MYO1B: variants seen among roughly 807,000 people sequenced by gnomAD.
MYO1B encodes myosin IB.
MYO1B carries 72 observed loss-of-function variants against 159.7 expected under a neutral mutation model. That is an observed-to-expected ratio of 0.45 (90% CI 0.37 to 0.55). The LOEUF (loss-of-function observed/expected upper bound fraction) is 0.55, where lower values mean the gene tolerates loss of function less well. Among genes scored for constraint, MYO1B ranks in the 20% least tolerant of loss-of-function variants. The pLI, the probability that MYO1B is intolerant of heterozygous loss-of-function variation, is 0.00. For missense variants in MYO1B, 1,062 were observed against 1,364.8 expected (o/e 0.78, Z 3.50); for synonymous variants, 468 against 473.8 (o/e 0.99, Z 0.16).
Position 191,370,298 on chromosome 2 carries a change from A to G in MYO1B, c.1185+6A>G, listed in dbSNP as rs765285357. The G allele has an allele frequency of 1.4e-5, 22 of 1,609,962 alleles. No individual in the cohort carries two copies. Among genetic ancestry groups the G allele is most frequent in the Non-Finnish European group, 1.9e-5 (22 of 1,176,798 alleles). The stretch of plus-strand genomic sequence containing the variant: ...ATGGCTTTGAGATTTTCGAGGTAAG[A>G]TTTAAAATTTTTTTTGTATTGTCTT... On this transcript the variant is annotated splice_donor_region_variant and intron_variant, in intron 13 of 30. Transcript: ENST00000392318.
At chr2:191,408,394 T>C (rs1293759503) in intron 25 of MYO1B, among the ~76,000 whole-genome samples, 1 of 152,234 alleles carries the variant, frequency 6.6e-6, no homozygotes, top group Non-Finnish European at 1.5e-5. Context: ...GAAAGAGTTG[T>C]TAATGGCCCG....
chr2:191,305,932 G>A (rs1485268594), intron 3 of MYO1B, among the ~76,000 whole-genome samples: 2 of 152,144 alleles, frequency 1.3e-5, no homozygotes, highest in Admixed American at 1.3e-4. Context: ...AGGGAACAGT[G>A]TTGACTCAGT....
chr2:191,322,195 G>A (rs949728045), intron 3 of MYO1B, among the ~76,000 whole-genome samples: 9 of 152,138 alleles, frequency 5.9e-5, no homozygotes, highest in Non-Finnish European at 1.3e-4. Context: ...GCATTTCTAG[G>A]TACTGTTTTC....
chr2:191,292,662 C>T (rs1688753726), intron 2 of MYO1B, among the ~76,000 whole-genome samples: 1 of 149,912 alleles, frequency 6.7e-6, no homozygotes, highest in Non-Finnish European at 1.5e-5. Flanking sequence ...GTTCGACCCC[C>T]ACTTCCCATC....
In MYO1B at chr2:191,363,834, G is replaced by A. The variant is rs1205234099; in HGVS notation, c.872G>A (p.Arg291Gln). ...LGNIEFKPES[R>Q]VNGLDESKIK... ...AACATTGAGTTCAAGCCCGAATCTC[G>A]AGTGAATGGTCTAGATGAAAGCAAA... Residue 291 changes from arginine to glutamine, a missense_variant, in exon 10 of 31, where the codon CGA becomes CAA. Arg to Gln is a conservative substitution (Grantham distance 43). This residue lies in a region of MYO1B where 415 missense variants were observed against 544.0 expected (regional missense o/e 0.76). Transcript: ENST00000392318. 11 of 1,613,904 alleles carry A rather than the reference G, an allele frequency of 6.8e-6. No homozygotes were observed. Among genetic ancestry groups the A allele is most frequent in the African/African-American group, 2.7e-5 (2 of 74,968 alleles).
At chr2:191,320,349 T>G (rs1472631471) in intron 3 of MYO1B, among the ~76,000 whole-genome samples, 3 of 152,182 alleles carry the variant, frequency 2.0e-5, no homozygotes, top group African/African-American at 7.2e-5. Context: ...CTGAATTATC[T>G]TAAAATTATT....
At chr2:191,247,836 G>T (rs751313572) in intron 1 of MYO1B, 9 of 748,620 alleles carry the variant, frequency 1.2e-5, no homozygotes, top group Non-Finnish European at 1.5e-5. Context: ...GCCTCTGGCC[G>T]TTCTGGTGGA....
intron 7 of MYO1B, among the ~76,000 whole-genome samples, chr2:191,356,473 G>A (rs1184599965): frequency 6.6e-6 from 1 of 151,470 alleles, no homozygotes; most frequent in Admixed American, 6.6e-5. Flanking sequence ...CTGTGACTTC[G>A]TAATGGGTGG....
chr2:191,415,915 A>C (rs1293993183), intron 29 of MYO1B, among the ~76,000 whole-genome samples, 200 bp from the exon 30 acceptor site: 1 of 152,192 alleles, frequency 6.6e-6, no homozygotes, highest in African/African-American at 2.4e-5. Context: ...CTTTAGGTAG[A>C]AGGGGATTAG....
intron 30 of MYO1B, among the ~76,000 whole-genome samples, chr2:191,418,739 TG>T (rs1697740952): frequency 6.6e-6 from 1 of 152,162 alleles, no homozygotes; most frequent in South Asian, 2.1e-4. Context: ...TCCGCCCCCC[TG>T]GGCCTCTGAA....
At chr2:191,391,622 GC>G (rs1322791737) in intron 18 of MYO1B, among the ~76,000 whole-genome samples, 3 of 152,164 alleles carry the variant, frequency 2.0e-5, no homozygotes, top group Non-Finnish European at 4.4e-5. Flanking sequence ...AGAGGTCAGG[GC>G]CAAGTCCAGT....
intron 2 of MYO1B, among the ~76,000 whole-genome samples, chr2:191,283,171 T>A (rs1226147481): frequency 1.3e-5 from 2 of 152,204 alleles, no homozygotes; most frequent in Non-Finnish European, 2.9e-5. Flanking sequence ...ATTGGAAAAT[T>A]TCTTCCTCTT....
At chr2:191,273,914 C>A (rs1175879630) in intron 1 of MYO1B, among the ~76,000 whole-genome samples, 2 of 152,128 alleles carry the variant, frequency 1.3e-5, no homozygotes, top group Non-Finnish European at 1.5e-5. Flanking sequence ...GAGAAAAAAA[C>A]AAATGGATCC....
At chr2:191,380,036 C>G (rs1694949204) in intron 13 of MYO1B, among the ~76,000 whole-genome samples, 1 of 152,128 alleles carries the variant, frequency 6.6e-6, no homozygotes, top group African/African-American at 2.4e-5. Flanking sequence ...ATAAAACAAA[C>G]AAACTTTTAT....
In MYO1B at chr2:191,400,771, T is replaced by C; in HGVS notation, c.2405T>C (p.Leu802Pro). 1 of 1,614,022 alleles carries C rather than the reference T, an allele frequency of 6.2e-7. No homozygotes were observed. Among genetic ancestry groups the C allele is most frequent in the Non-Finnish European group, 8.5e-7 (1 of 1,179,898 alleles). ...GTQARRELRR[L>P]KEEARNKHAI... ...CAGGCACGAAGGGAACTGAGACGGC[T>C]GAAGGAGGAGGCTAGGAATAAACAT... The change falls in exon 23 of 31, where the codon CTG becomes CCG. Residue 802 changes from leucine (L) to proline (P), a missense_variant. This residue lies in a region of MYO1B where 609 missense variants were observed against 744.4 expected (regional missense o/e 0.82). Coordinates refer to ENST00000392318, the MANE Select transcript of MYO1B (RefSeq NM_001130158.3).
At chr2:191,386,150 A>G in intron 16 of MYO1B, 66 bp downstream of exon 16, 1 of 1,495,772 alleles carries the variant, frequency 6.7e-7, no homozygotes, top group African/African-American at 1.4e-5. Context: ...GCTGTACCTC[A>G]GAGATGGGCG....
Position 191,256,438 on chromosome 2 carries a change from A to G in MYO1B, c.-10+10812A>G, listed in dbSNP as rs1280764032. On this transcript the variant is annotated intron_variant, in intron 1 of 30. Coordinates refer to ENST00000392318, the MANE Select transcript of MYO1B (RefSeq NM_001130158.3). Reference sequence around the variant, plus strand: ...GCACTTGGTGTAGATGTTAGTTACTACTATTCAGCCTTTCCTGCAATGCTT... The same window carrying G: ...GCACTTGGTGTAGATGTTAGTTACTGCTATTCAGCCTTTCCTGCAATGCTT... 1.6e-4 allele frequency among the ~76,000 whole-genome samples: 24 copies of G among 151,932 alleles called. 1 individual carries two copies. Among genetic ancestry groups the G allele is most frequent in the Admixed American group, 1.6e-3 (24 of 15,256 alleles).
intron 1 of MYO1B, among the ~76,000 whole-genome samples, chr2:191,268,000 G>A (rs775378662): frequency 6.6e-6 from 1 of 152,202 alleles, no homozygotes; most frequent in Non-Finnish European, 1.5e-5. Context: ...CCAGAGCCCT[G>A]TGTGTCAGCC....
intron 3 of MYO1B, among the ~76,000 whole-genome samples, chr2:191,314,970 A>T (rs183148621): frequency 3.0e-4 from 45 of 152,280 alleles, no homozygotes; most frequent in African/African-American, 1.0e-3. Flanking sequence ...TATTCTGCTG[A>T]ACCTGTGTGT....
Sources: allele counts gnomAD v4.1 joint callset (sites outside exome capture counted in the v4.1 genomes callset), GRCh38; gene constraint gnomAD v4.1.1; regional missense constraint gnomAD v4.1.1; transcripts MANE v1.5; gene names NCBI Gene and HGNC (gene_info 2026-07-23, HGNC 2026-07-21).